TENM2: variants seen among roughly 807,000 people sequenced by gnomAD.
The protein encoded by TENM2 is teneurin-2.
Under a neutral mutation model 245.2 loss-of-function variants are expected in TENM2, and 52 were observed. The ratio of observed to expected loss-of-function variants is 0.21; its 90% CI spans 0.17 to 0.27. TENM2 has a LOEUF of 0.27. Among genes scored for constraint, TENM2 ranks in the 10% least tolerant of loss-of-function variants. TENM2 has a pLI of 1.00. For synonymous variants in TENM2, 1,363 were observed against 1,438.9 expected, an observed-to-expected ratio of 0.95 and a Z score of 1.19; for missense variants, 3,046 against 3,666.8, an observed-to-expected ratio of 0.83 and a Z score of 4.37.
intron 6 of TENM2, among the ~76,000 whole-genome samples, chr5:168,058,788 T>G (rs908675252): frequency 6.6e-6 from 1 of 152,198 alleles, no homozygotes; most frequent in African/African-American, 2.4e-5. Context: ...TTTTCATCCT[T>G]TTTTTCATTC....
intron 1 of TENM2, among the ~76,000 whole-genome samples, chr5:167,298,326 G>C (rs532347477): frequency 6.6e-6 from 1 of 152,172 alleles, no homozygotes; most frequent in African/African-American, 2.4e-5. Context: ...AAATGGGGCC[G>C]GGTGCGGTGG....
At chr5:168,029,905 T>C (rs1185301379) in intron 5 of TENM2, among the ~76,000 whole-genome samples, 1 of 152,170 alleles carries the variant, frequency 6.6e-6, no homozygotes, top group Non-Finnish European at 1.5e-5. Flanking sequence ...AAAGTTCCAT[T>C]GATGTGGCTG....
At chr5:167,168,811 G>A in the TENM2 span, among the ~76,000 whole-genome samples, 1 of 152,174 alleles carries the variant, frequency 6.6e-6, no homozygotes, top group African/African-American at 2.4e-5. Flanking sequence ...TCAGGCTGGA[G>A]TGCAGTGGCA....
chr5:167,704,735 A>T (rs1271569010), intron 2 of TENM2, among the ~76,000 whole-genome samples: 1 of 152,160 alleles, frequency 6.6e-6, no homozygotes, highest in Non-Finnish European at 1.5e-5. Flanking sequence ...GGCTGTGTTG[A>T]TGGAGTTGAA....
chr5:168,068,616 C>T (rs553594766), intron 7 of TENM2, among the ~76,000 whole-genome samples: 1 of 151,934 alleles, frequency 6.6e-6, no homozygotes, highest in East Asian at 1.9e-4. Context: ...TGAGAGTGGT[C>T]ACCTCTAGGA....
At chr5:167,987,011 A>C (rs1783298492) in intron 4 of TENM2, among the ~76,000 whole-genome samples, 1 of 152,224 alleles carries the variant, frequency 6.6e-6, no homozygotes, top group Non-Finnish European at 1.5e-5. Context: ...ACATACAAAA[A>C]ACTTGGAAGA....
intron 1 of TENM2, among the ~76,000 whole-genome samples, chr5:167,339,766 C>T (rs1158110694): frequency 1.3e-5 from 2 of 151,962 alleles, no homozygotes; most frequent in Non-Finnish European, 2.9e-5. Flanking sequence ...GAATTAACGC[C>T]GTTATAAAAG....
chr5:167,041,046 T>C, the TENM2 span, among the ~76,000 whole-genome samples: 1 of 152,082 alleles, frequency 6.6e-6, no homozygotes, highest in Non-Finnish European at 1.5e-5. Flanking sequence ...ACATCAGATG[T>C]TTGCTGAAAA....
the TENM2 span, among the ~76,000 whole-genome samples, chr5:167,159,881 G>A: frequency 6.6e-6 from 1 of 152,158 alleles, no homozygotes; most frequent in Non-Finnish European, 1.5e-5. Context: ...AGTAGAGAGG[G>A]CATTCTTTCT....
intron 3 of TENM2, among the ~76,000 whole-genome samples, chr5:167,914,020 A>C (rs759848501): frequency 1.3e-5 from 2 of 152,140 alleles, no homozygotes; most frequent in Non-Finnish European, 2.9e-5. Context: ...TACTCTTTTT[A>C]TTGTATGTGT....
At chr5:167,387,455 C>T (rs930148983) in intron 2 of TENM2, among the ~76,000 whole-genome samples, 4 of 152,096 alleles carry the variant, frequency 2.6e-5, no homozygotes, top group African/African-American at 7.2e-5. Flanking sequence ...ACAATCATAT[C>T]ATCAGCAAAC....
chr5:167,838,760 C>T (rs1431453294), intron 2 of TENM2, among the ~76,000 whole-genome samples: 1 of 151,990 alleles, frequency 6.6e-6, no homozygotes, highest in Non-Finnish European at 1.5e-5. Flanking sequence ...ATCACCTATA[C>T]AGGAAAAAAG....
At chr5:167,032,004 C>T in the TENM2 span, among the ~76,000 whole-genome samples, 123,816 of 152,032 alleles carry the variant, frequency 0.81, 51,289 homozygotes, top group Admixed American at 0.9. Flanking sequence ...AGAAGGTAGA[C>T]AGCCATGACT....
At chr5:168,058,629 A>G (rs529323432) in intron 6 of TENM2, among the ~76,000 whole-genome samples, 2 of 152,304 alleles carry the variant, frequency 1.3e-5, no homozygotes, top group East Asian at 1.9e-4. Context: ...AAATGAATCT[A>G]TTCCAGAAAA....
chr5:166,983,119 G>C, the TENM2 span, among the ~76,000 whole-genome samples: 13 of 151,996 alleles, frequency 8.6e-5, no homozygotes, highest in South Asian at 2.3e-3. Flanking sequence ...AATTATTTTA[G>C]GTGTTTTAAG....
At chr5:167,067,357 A>G in the TENM2 span, among the ~76,000 whole-genome samples, 1 of 152,112 alleles carries the variant, frequency 6.6e-6, no homozygotes, top group South Asian at 2.1e-4. Context: ...CAGATCCTGC[A>G]TTTGAATGTT....
the TENM2 span, among the ~76,000 whole-genome samples, chr5:167,189,626 T>C: frequency 6.6e-6 from 1 of 151,900 alleles, no homozygotes; most frequent in African/African-American, 2.4e-5. Flanking sequence ...TGGAGTGCAG[T>C]GGCATGATCA....
chr5:167,599,144 T>C (rs749748001), intron 2 of TENM2, among the ~76,000 whole-genome samples: 6 of 152,212 alleles, frequency 3.9e-5, no homozygotes, highest in Non-Finnish European at 5.9e-5. Flanking sequence ...TCTTTGTGCA[T>C]AGCTTTGTAT....
At chr5:167,509,655 A>G (rs892056431) in intron 2 of TENM2, among the ~76,000 whole-genome samples, 1 of 152,208 alleles carries the variant, frequency 6.6e-6, no homozygotes, top group African/African-American at 2.4e-5. Context: ...GGTCATTATT[A>G]TTAGCGATAA....
Sources: allele counts gnomAD v4.1 joint callset (sites outside exome capture counted in the v4.1 genomes callset), GRCh38; gene constraint gnomAD v4.1.1; transcripts MANE v1.5; gene names NCBI Gene and HGNC (gene_info 2026-07-23, HGNC 2026-07-21).